RGS17: variants seen among roughly 807,000 people sequenced by gnomAD.
The protein encoded by RGS17 is regulator of G protein signaling 17, also known as regulator of G-protein signaling 17.
In RGS17, 12 loss-of-function variants were observed where a neutral mutation model predicts 25.5. That is an observed-to-expected ratio of 0.47 (90% CI 0.30 to 0.76). The LOEUF is 0.76. Among genes scored for constraint, RGS17 ranks in the 30% least tolerant of loss-of-function variants. The probability of loss-of-function intolerance (pLI) is 0.07; values close to 1 mark genes in which losing one functional copy is unlikely to be tolerated. For synonymous variants in RGS17, 71 were observed against 76.9 expected, an observed-to-expected ratio of 0.92 and a Z score of 0.40; for missense variants, 196 against 242.2, an observed-to-expected ratio of 0.81 and a Z score of 1.27.
intron 2 of RGS17, among the ~76,000 whole-genome samples, chr6:153,038,198 C>T (rs556367911): frequency 6.6e-6 from 1 of 152,156 alleles, no homozygotes; most frequent in Non-Finnish European, 1.5e-5. Context: ...ACCAAATGCA[C>T]CTGCCACCTC....
chr6:153,023,473 C>G (rs760854969), intron 4 of RGS17: 1 of 362,074 alleles, frequency 2.8e-6, no homozygotes, highest in Admixed American at 2.8e-5. Flanking sequence ...ATTAACCACT[C>G]TTTCACCAAA....
chr6:153,102,640 A>C (rs867881725), intron 1 of RGS17, among the ~76,000 whole-genome samples: 14 of 151,968 alleles, frequency 9.2e-5, no homozygotes, highest in Middle Eastern at 3.4e-3. Flanking sequence ...GAGTTTCTCC[A>C]GGCCCCTCTC....
intron 1 of RGS17, among the ~76,000 whole-genome samples, chr6:153,101,512 G>T (rs775472246): frequency 6.6e-6 from 1 of 152,160 alleles, no homozygotes; most frequent in African/African-American, 2.4e-5. Context: ...ATATACGGAA[G>T]AATTCCTTCA....
intron 1 of RGS17, among the ~76,000 whole-genome samples, chr6:153,076,545 G>C (rs1221007887): frequency 1.3e-5 from 2 of 152,104 alleles, no homozygotes; most frequent in East Asian, 3.9e-4. Context: ...AGGAACCAGA[G>C]CTGGATGGAG....
chr6:153,027,401 G>C (rs1779314446), intron 2 of RGS17, among the ~76,000 whole-genome samples: 1 of 152,150 alleles, frequency 6.6e-6, no homozygotes, highest in Admixed American at 6.5e-5. Context: ...GAGATACTAA[G>C]AAGCAGGGTA....
At chr6:153,013,257 A>C (rs1293439100) in intron 4 of RGS17, among the ~76,000 whole-genome samples, 1 of 152,194 alleles carries the variant, frequency 6.6e-6, no homozygotes, top group East Asian at 1.9e-4. Context: ...ATCTGTGATC[A>C]GTGACCTTCG....
intron 1 of RGS17, among the ~76,000 whole-genome samples, chr6:153,055,240 T>C (rs1449869033): frequency 2.6e-5 from 4 of 152,176 alleles, no homozygotes; most frequent in African/African-American, 7.2e-5. Flanking sequence ...TGTGGGTTTA[T>C]CAGTAAATAC....
intron 1 of RGS17, among the ~76,000 whole-genome samples, chr6:153,086,439 G>A (rs1584150398): frequency 6.6e-6 from 1 of 152,126 alleles, no homozygotes; most frequent in South Asian, 2.1e-4. Context: ...AACTGTGAAC[G>A]ATCTCTAGAG....
intron 2 of RGS17, among the ~76,000 whole-genome samples, chr6:153,042,572 T>C (rs1046392447): frequency 5.9e-5 from 9 of 152,230 alleles, no homozygotes; most frequent in African/African-American, 2.2e-4. Context: ...TCTTTTTCTT[T>C]ATAAATTACC....
intron 4 of RGS17, 74 bp from the exon 5 acceptor site, chr6:153,011,836 G>T: frequency 1.8e-6 from 2 of 1,107,652 alleles, no homozygotes; most frequent in South Asian, 3.5e-5. Flanking sequence ...CTGTAGGTTT[G>T]TGACATTTTA....
intron 1 of RGS17, among the ~76,000 whole-genome samples, chr6:153,057,851 CA>C (rs1403730378): frequency 6.6e-6 from 1 of 152,064 alleles, no homozygotes; most frequent in Non-Finnish European, 1.5e-5. Flanking sequence ...GTGCAGTTCA[CA>C]ACAGGATTCA....
chr6:153,084,112 G>T (rs1363194377), intron 1 of RGS17, among the ~76,000 whole-genome samples: 1 of 152,084 alleles, frequency 6.6e-6, no homozygotes, highest in Non-Finnish European at 1.5e-5. Context: ...GGGAGAATTG[G>T]TCTTCTGGCA....
intron 1 of RGS17, among the ~76,000 whole-genome samples, chr6:153,119,905 A>C (rs1562339392): frequency 1.3e-5 from 2 of 152,154 alleles, no homozygotes; most frequent in Non-Finnish European, 2.9e-5. Context: ...AGAATGTATA[A>C]TCTTTTTCCA....
chr6:153,058,356 T>A (rs1409125800), intron 1 of RGS17, among the ~76,000 whole-genome samples: 1 of 152,144 alleles, frequency 6.6e-6, no homozygotes, highest in Admixed American at 6.5e-5. Context: ...GATCTTCCTA[T>A]CTCAGGGTTC....
At position 153,130,804 on chromosome 6, in the gene RGS17, C is replaced by A. The variant is rs1259085136; in HGVS notation, c.-26+320G>T. Among the ~76,000 whole-genome samples the A allele has an allele frequency of 1.3e-5, 2 of 152,094 alleles. No homozygotes were observed. Among genetic ancestry groups the A allele is most frequent in the South Asian group, 4.1e-4 (2 of 4,836 alleles). On this transcript the variant is annotated intron_variant, in intron 1 of 4. Transcript: ENST00000206262. This position sits in a 1 kb window ranked among gnomAD's most constrained non-coding sequence, Gnocchi z 6.4. The stretch of plus-strand genomic sequence containing the variant: ...TCTCCGCGGGAACTCTGGGACCTGG[C>A]CGAGCGTTCCCCGGCGGGCAGGACA...
chr6:153,071,260 C>CAT (rs1473449173), intron 1 of RGS17, among the ~76,000 whole-genome samples: 2 of 151,056 alleles, frequency 1.3e-5, no homozygotes, highest in Admixed American at 6.6e-5. Context: ...AGGTACTGAG[C>CAT]ATATATATAT....
chr6:153,043,811 CAGTT>C, intron 2 of RGS17, 85 bp downstream of exon 2: 1 of 706,092 alleles, frequency 1.4e-6, no homozygotes, highest in South Asian at 1.9e-5. Context: ...ACATGTTGAG[CAGTT>C]TCTACAGTTC....
chr6:153,054,687 AAAT>A (rs1388634253), intron 1 of RGS17, among the ~76,000 whole-genome samples: 2 of 150,074 alleles, frequency 1.3e-5, no homozygotes, highest in Non-Finnish European at 3.0e-5. Context: ...ATAAATAAAT[AAAT>A]AAAAAGATTT....
chr6:153,019,562 C>A (rs1218304133), intron 4 of RGS17, among the ~76,000 whole-genome samples: 1 of 152,134 alleles, frequency 6.6e-6, no homozygotes, highest in African/African-American at 2.4e-5. Context: ...TGCTTTAGCA[C>A]CATCTTCTTG....
Sources: allele counts gnomAD v4.1 joint callset (sites outside exome capture counted in the v4.1 genomes callset), GRCh38; gene constraint gnomAD v4.1.1; non-coding constraint Gnocchi (gnomAD v3.1); transcripts MANE v1.5; gene names NCBI Gene and HGNC (gene_info 2026-07-23, HGNC 2026-07-21).